Variants in WIPI2 observed in about 807,000 individuals in gnomAD.
WIPI2 encodes the protein WD repeat domain, phosphoinositide interacting 2.
Under a neutral mutation model 52.3 loss-of-function variants are expected in WIPI2, and 28 were observed. That is an observed-to-expected ratio of 0.54 (90% CI 0.40 to 0.73). WIPI2 has a LOEUF of 0.73. WIPI2 is among the 30% of genes least tolerant of loss of function. The pLI is 0.00. For synonymous variants in WIPI2, 268 were observed against 245.0 expected, an observed-to-expected ratio of 1.09 and a Z score of -0.88; for missense variants, 506 against 602.9, an observed-to-expected ratio of 0.84 and a Z score of 1.68.
At chr7:5,221,204 C>T (rs137874827) in intron 7 of WIPI2, among the ~76,000 whole-genome samples, 243 of 152,054 alleles carry the variant, frequency 1.6e-3, no homozygotes, top group African/African-American at 5.6e-3. Context: ...CTCAGGTGAC[C>T]ACTCACCTCG....
At position 5,218,004 on chromosome 7, in the gene WIPI2, C is replaced by T; in HGVS notation, c.659C>T (p.Ala220Val). The T allele has an allele frequency of 1.2e-6, 2 of 1,614,218 alleles. No individual in the cohort carries two copies. The highest frequency in any genetic ancestry group is 1.7e-6 in the Non-Finnish European group (2 of 1,180,030). Residue 220 changes from alanine to valine, a missense_variant, in exon 7 of 13, where the codon GCT (alanine) becomes GTT (valine). Physicochemically the swap from Ala to Val is moderately conservative, Grantham distance 64. Transcript: ENST00000288828. ...FDASGTKLATASEKGTVIRVF... is the reference protein window; with the variant it reads ...FDASGTKLATVSEKGTVIRVF... Reference sequence around the variant, plus strand: ...GCAAGTGGAACTAAACTTGCCACGGCTTCGGAGAAGGTGAGTCTGCTTTTC... The same window carrying T: ...GCAAGTGGAACTAAACTTGCCACGGTTTCGGAGAAGGTGAGTCTGCTTTTC...
At chr7:5,191,322 C>G (rs1781474213) in intron 1 of WIPI2, among the ~76,000 whole-genome samples, 1 of 152,156 alleles carries the variant, frequency 6.6e-6, no homozygotes, top group African/African-American at 2.4e-5. Context: ...GTGCGCGGCC[C>G]TCCCTGTTCT....
intron 11 of WIPI2, 131 bp downstream of exon 11, chr7:5,228,342 T>G (rs1397735759): frequency 9.4e-6 from 8 of 853,648 alleles, no homozygotes; most frequent in African/African-American, 1.7e-5. Flanking sequence ...CAGCGGCCCA[T>G]GCCGCGCAGG....
At position 5,231,823 on chromosome 7, in the gene WIPI2, C is replaced by T. The variant is rs946626693; in HGVS notation, c.*876C>T. ...AAGCACAGAACTCAAGTGTGGTGGC[C>T]GTCTGAGCTGTCCTTTCGCTGGCCC... On this transcript the variant is annotated 3_prime_UTR_variant, in exon 13 of 13. Transcript: ENST00000288828. The T allele has an allele frequency of 1.1e-4, 22 of 201,726 alleles. No homozygotes were observed. Among genetic ancestry groups the T allele is most frequent in the African/African-American group, 4.6e-4 (20 of 43,300 alleles). 12.5% of individuals were successfully genotyped at this position (201,726 alleles called of 1,614,324 possible).
intron 2 of WIPI2, among the ~76,000 whole-genome samples, chr7:5,195,822 C>A (rs975718932): frequency 6.6e-6 from 1 of 152,018 alleles, no homozygotes; most frequent in Admixed American, 6.6e-5. Flanking sequence ...AGGTGGATCA[C>A]CAGGTCAGGA....
At chr7:5,198,396 C>T (rs938034625) in intron 2 of WIPI2, among the ~76,000 whole-genome samples, 21 of 152,072 alleles carry the variant, frequency 1.4e-4, no homozygotes, top group African/African-American at 5.1e-4. Context: ...TCACTGCAGC[C>T]ACCTCCTCCC....
rs1389401488 is a variant in WIPI2, at chr7:5,232,063, C to G, written c.*1116C>G. ...TTTCATATTTACAGAATTAAAACAA[C>G]CTCAAGTACCTCAGACTCTGCATTC... On this transcript the variant is annotated 3_prime_UTR_variant, in exon 13 of 13. Coordinates refer to ENST00000288828, the MANE Select transcript of WIPI2 (RefSeq NM_015610.4). 4 of 398,052 alleles carry G rather than the reference C, an allele frequency of 1.0e-5. No individual in the cohort carries two copies. The highest frequency in any genetic ancestry group is 1.8e-5 in the Non-Finnish European group (4 of 226,012). The allele number at this position is 398,052 out of a possible 1,614,324, so 24.7% of individuals were successfully genotyped here. A position where few individuals can be genotyped will look rare whatever the true frequency, so the allele number is the denominator to read the frequency against.
chr7:5,225,373 C>T (rs1783377446), intron 8 of WIPI2, among the ~76,000 whole-genome samples: 1 of 152,104 alleles, frequency 6.6e-6, no homozygotes, highest in South Asian at 2.1e-4. Context: ...GATATCTTGA[C>T]CTCATGATCC....
At chr7:5,221,125 A>G (rs1189310370) in intron 7 of WIPI2, among the ~76,000 whole-genome samples, 2 of 151,722 alleles carry the variant, frequency 1.3e-5, no homozygotes, top group Non-Finnish European at 2.9e-5. Flanking sequence ...CACCATGCCC[A>G]GCTAATTTTG....
chr7:5,217,301 T>TTTG, intron 6 of WIPI2, 114 bp downstream of exon 6: 1 of 1,104,740 alleles, frequency 9.1e-7, no homozygotes, highest in Non-Finnish European at 1.3e-6. Context: ...CGCTGCACTT[T>TTTG]TTTGTTTGTT....
At chr7:5,215,737 T>A (rs1239004159) in intron 4 of WIPI2, among the ~76,000 whole-genome samples, 1 of 152,232 alleles carries the variant, frequency 6.6e-6, no homozygotes, top group African/African-American at 2.4e-5. Flanking sequence ...TTATAAGACA[T>A]CATATCTTGA....
In WIPI2 at chr7:5,197,118, CAAAAAAAAAAAA is replaced by C. The variant is rs869261081; in HGVS notation, c.129-2441_129-2430del. Among the ~76,000 whole-genome samples the C allele has an allele frequency of 1.1e-3, 46 of 41,458 alleles. 1 individual carries two copies. In the East Asian group the frequency reaches 0.04, roughly 36 times the overall value. 27.2% of individuals were successfully genotyped at this position (41,458 alleles called of 152,430 possible). A position where few individuals can be genotyped will look rare whatever the true frequency, so the allele number is the denominator to read the frequency against. ...CAGAGCGGGACTCCGTCTCAAAAAA[CAAAAAAAAAAAA>C]AAAAAAAAAAAAAAAACCATAAAAT... On this transcript the variant is annotated intron_variant, in intron 2 of 12. Coordinates refer to ENST00000288828, the MANE Select transcript of WIPI2 (RefSeq NM_015610.4).
At chr7:5,193,249 G>A (rs1157490968) in intron 2 of WIPI2, 78 bp downstream of exon 2, 2 of 1,583,262 alleles carry the variant, frequency 1.3e-6, no homozygotes, top group Non-Finnish European at 1.7e-6. Flanking sequence ...TTTTGAAATT[G>A]CAGTGAACCA....
intron 2 of WIPI2, among the ~76,000 whole-genome samples, chr7:5,195,887 A>C (rs1781724095): frequency 6.6e-6 from 1 of 151,772 alleles, no homozygotes; most frequent in African/African-American, 2.4e-5. Flanking sequence ...AAAAATACAA[A>C]AATTAGCCGG....
rs756305172 is a variant in WIPI2 at position 5,214,712 on chromosome 7, C to G, written c.381+8C>G. The stretch of plus-strand genomic sequence containing the variant: ...GTGAAGCTCAACAGGCAGGTGAGCG[C>G]TGCCCCAGCTGGGTGTGGGCTTGTC... On this transcript the variant is annotated splice_region_variant and intron_variant, in intron 4 of 12. Coordinates refer to ENST00000288828, the MANE Select transcript of WIPI2 (RefSeq NM_015610.4). The G allele has an allele frequency of 3.1e-6, 5 of 1,613,298 alleles. No homozygotes were observed. Among genetic ancestry groups the G allele is most frequent in the African/African-American group, 1.3e-5 (1 of 75,064 alleles).
rs115973071 is a variant in WIPI2, at chr7:5,190,858, C to T, written c.74+365C>T. 710 of 187,086 alleles carry T rather than the reference C, an allele frequency of 3.8e-3. 11 individuals are homozygous for T. Among genetic ancestry groups the T allele is most frequent in the African/African-American group, 0.015 (658 of 42,776 alleles). 11.6% of individuals were successfully genotyped at this position (187,086 alleles called of 1,614,324 possible). A position where few individuals can be genotyped will look rare whatever the true frequency, so the allele number is the denominator to read the frequency against. ...TGGAGCGCTGGGTGTGGGTCGCTTC[C>T]TCTCCTCTCGTCTCCTCTTCCCGCT... On this transcript the variant is annotated intron_variant, in intron 1 of 12. Transcript: ENST00000288828.
At chr7:5,220,242 GC>G (rs1490195288) in intron 7 of WIPI2, among the ~76,000 whole-genome samples, 3 of 83,012 alleles carry the variant, frequency 3.6e-5, no homozygotes, top group African/African-American at 5.4e-5. Context: ...GCTGCTTTTT[GC>G]TTTTTTTTTT....
chr7:5,206,518 T>A (rs1184820021), intron 3 of WIPI2, among the ~76,000 whole-genome samples: 1 of 152,226 alleles, frequency 6.6e-6, no homozygotes, highest in Non-Finnish European at 1.5e-5. Flanking sequence ...AAAGCTCTGC[T>A]TTTTCTCATT....
rs201222194 is a variant in WIPI2 at position 5,221,955 on chromosome 7, T to TA, written c.670-647_670-646insA. The stretch of plus-strand genomic sequence containing the variant: ...CACACACAAATCCAGGCTTTTATTT[T>TA]TTTTTTTTTTCCCCCCCCGAGATGG... On this transcript the variant is annotated intron_variant, in intron 7 of 12. Transcript: ENST00000288828. Among the ~76,000 whole-genome samples, 379 of 95,528 alleles carry TA rather than the reference T, an allele frequency of 4.0e-3. 1 individual carries two copies. The highest frequency in any genetic ancestry group is 5.4e-3 in the Non-Finnish European group (248 of 46,118). The allele number at this position is 95,528 out of a possible 152,430, so 62.7% of individuals were successfully genotyped here. A position where few individuals can be genotyped will look rare whatever the true frequency, so the allele number is the denominator to read the frequency against.
Sources: gnomAD v4.1 joint callset for allele counts (sites outside exome capture counted in the v4.1 genomes callset) on GRCh38, gnomAD v4.1.1 for gene constraint, MANE v1.5 for transcripts, NCBI Gene and HGNC (gene_info 2026-07-23, HGNC 2026-07-21) for gene names.